The following ZNF564 variants were observed in gnomAD, a reference collection of about 807,000 sequenced individuals.
The protein encoded by ZNF564 is zinc finger protein 564.
Under a neutral mutation model 10.5 loss-of-function variants are expected in ZNF564, and 5 were observed. That is an observed-to-expected ratio of 0.48 (90% confidence interval 0.25 to 1.00). The LOEUF (loss-of-function observed/expected upper bound fraction) is 1.00, where lower values mean the gene tolerates loss of function less well. ZNF564 is among the 50% of genes least tolerant of loss of function. ZNF564 has a pLI of 0.16. For synonymous variants in ZNF564, 242 were observed against 218.1 expected (o/e 1.11, Z -0.97); for missense variants, 603 against 669.7 (o/e 0.90, Z 1.10).
rs199691987 is a variant in ZNF564 at position 12,549,751 on chromosome 19, G to GT, written c.3+1578_3+1579insA. On this transcript the variant is annotated intron_variant, in intron 1 of 3. Coordinates refer to ENST00000339282, the MANE Select transcript of ZNF564 (RefSeq NM_144976.4). ...GGGCATACAGCTGCTCCCGTGAGAG[G>GT]CCCCACCCCTACACCTTAAGCTGTC... 4.2e-3 allele frequency among the ~76,000 whole-genome samples: 639 copies of GT among 152,252 alleles called. 19 individuals are homozygous for GT. The highest frequency in any genetic ancestry group is 3.4e-3 in the Middle Eastern group (1 of 294).
At chr19:12,536,712 A>T (rs187034794) in intron 1 of ZNF564, among the ~76,000 whole-genome samples, 6 of 152,252 alleles carry the variant, frequency 3.9e-5, no homozygotes, top group African/African-American at 1.4e-4. Context: ...TAAGATATGT[A>T]TTGGCCAGGC....
chr19:12,525,773 A>G lies in ZNF564; in HGVS notation c.*673T>C, dbSNP rs994537680. The G allele has an allele frequency of 6.6e-6, 1 of 152,254 alleles. No homozygotes were observed. The highest frequency in any genetic ancestry group is 2.4e-5 in the African/African-American group (1 of 41,466). 9.4% of individuals were successfully genotyped at this position (152,254 alleles called of 1,614,324 possible). ...ATGGTTTGGGAGGCTGGGAAGTCCA[A>G]TATCAAGGCACTGGCATAGTCCATG... On this transcript the variant is annotated 3_prime_UTR_variant, in exon 4 of 4. Transcript: ENST00000339282.
chr19:12,532,339 T>C (rs1357182280), intron 1 of ZNF564, among the ~76,000 whole-genome samples: 1 of 150,900 alleles, frequency 6.6e-6, no homozygotes, highest in Non-Finnish European at 1.5e-5. Flanking sequence ...ATTGAGACCA[T>C]CCTGGCTAAC....
At chr19:12,542,649 G>GAAGA (rs74180078) in intron 1 of ZNF564, among the ~76,000 whole-genome samples, 87,400 of 146,342 alleles carry the variant, frequency 0.6, 27,358 homozygotes, top group African/African-American at 0.7. Context: ...AAAGGGAAAG[G>GAAGA]AAGAAAGAAA....
intron 1 of ZNF564, among the ~76,000 whole-genome samples, chr19:12,533,376 T>G (rs991602927): frequency 6.6e-6 from 1 of 152,136 alleles, no homozygotes; most frequent in Non-Finnish European, 1.5e-5. Flanking sequence ...AGAGGAATAT[T>G]TACAGCATTG....
At chr19:12,546,467 G>A (rs926905774) in intron 1 of ZNF564, among the ~76,000 whole-genome samples, 4 of 152,128 alleles carry the variant, frequency 2.6e-5, no homozygotes, top group Non-Finnish European at 4.4e-5. Context: ...AGTGGCTCAC[G>A]CCTGTAATCC....
chr19:12,532,793 C>T (rs2021835055), intron 1 of ZNF564: 1 of 152,038 alleles, frequency 6.6e-6, no homozygotes, highest in African/African-American at 2.4e-5. Context: ...TGATAAAGGA[C>T]TCAACATGCC....
chr19:12,542,604 T>C (rs1013704464), intron 1 of ZNF564, among the ~76,000 whole-genome samples: 5 of 136,952 alleles, frequency 3.7e-5, no homozygotes, highest in African/African-American at 1.4e-4. Flanking sequence ...CCTGGTGACA[T>C]AGGGGGACCA....
In ZNF564 at chr19:12,527,208, CA is replaced by C. The variant is rs1455303684; in HGVS notation, c.899del (p.Met300ArgfsTer85). On this transcript the variant is annotated frameshift_variant, in exon 4 of 4. Transcript: ENST00000339282. LOFTEE classifies it low-confidence loss of function (END_TRUNC). ...FISFTNFQSHMIRHTGDGPYK... is the reference protein window; with the variant it reads ...FISFTNFQSHXIRHTGDGPYK... ...AAGGTCCATCCCCAGTGTGCCTAATCATATGACTTTGAAAATTTGTGAAAGA... is the reference window on the plus strand; with the variant it reads ...AAGGTCCATCCCCAGTGTGCCTAATCTATGACTTTGAAAATTTGTGAAAGA... The C allele has an allele frequency of 6.2e-7, 1 of 1,614,050 alleles. No individual in the cohort carries two copies. The highest frequency in any genetic ancestry group is 1.3e-5 in the African/African-American group (1 of 74,912).
chr19:12,528,676 A>G lies in ZNF564; in HGVS notation c.24T>C (p.Asp8=), dbSNP rs2021739994. 3 of 1,613,062 alleles carry G rather than the reference A, an allele frequency of 1.9e-6. No individual in the cohort carries two copies. The highest frequency in any genetic ancestry group is 1.6e-4 in the Middle Eastern group (1 of 6,080). MDSVASE[D]VAVNFTLEEW... is the part of the protein sequence containing the mutation. ...CCTCAAGTGTGAAGTTCACAGCCAC[A>G]TCCTCAGAGGCCACTGAGTCCTAAA... Residue 8 remains aspartate (D), a synonymous_variant, in exon 2 of 4, where the codon GAT becomes GAC. Coordinates refer to ENST00000339282, the MANE Select transcript of ZNF564 (RefSeq NM_144976.4).
In ZNF564 at chr19:12,527,026, C is replaced by T; in HGVS notation, c.1082G>A (p.Gly361Glu). The change falls in exon 4 of 4, where the codon GGA becomes GAA. Residue 361 changes from glycine (G) to glutamate (E), a missense_variant. By Grantham distance (98) the Gly-to-Glu change is moderately conservative (BLOSUM62 -2). Coordinates refer to ENST00000339282, the MANE Select transcript of ZNF564 (RefSeq NM_144976.4). ...TTCCTTACATTCATAGGGCTTCTCT[C>T]CAGTGTGAGTCCTTTCATGTGTTCG... ...NVRTHERTHT[G>E]EKPYECKECG... 3 of 1,614,064 alleles carry T rather than the reference C, an allele frequency of 1.9e-6. No homozygotes were observed. Among genetic ancestry groups the T allele is most frequent in the Non-Finnish European group, 2.5e-6 (3 of 1,180,008 alleles).
chr19:12,527,173 T>G lies in ZNF564; in HGVS notation c.935A>C (p.Lys312Thr). 1.2e-6 allele frequency: 2 copies of G among 1,614,158 alleles called. No individual in the cohort carries two copies. Among genetic ancestry groups the G allele is most frequent in the Non-Finnish European group, 1.7e-6 (2 of 1,180,018 alleles). The change falls in exon 4 of 4, where the codon AAA becomes ACA. Residue 312 changes from lysine to threonine, a missense_variant. By Grantham distance (78) the Lys-to-Thr change is moderately conservative. Transcript: ENST00000339282. ...RHTGDGPYKCKVCGRAFIFPS... is the reference protein window; with the variant it reads ...RHTGDGPYKCTVCGRAFIFPS... ...AAAAATAAAGGCTCTCCCACATACTTTACATTTATAAGGTCCATCCCCAGT... is the reference window on the plus strand; with the variant it reads ...AAAAATAAAGGCTCTCCCACATACTGTACATTTATAAGGTCCATCCCCAGT...
At chr19:12,548,087 CA>C (rs60264829) in intron 1 of ZNF564, 14,966 of 885,250 alleles carry the variant, frequency 0.017, 444 homozygotes, top group African/African-American at 0.12. Flanking sequence ...GGATTACAGG[CA>C]TGAGCCACCA....
intron 1 of ZNF564, among the ~76,000 whole-genome samples, chr19:12,539,758 A>G (rs566944531): frequency 6.6e-6 from 1 of 151,886 alleles, no homozygotes; most frequent in South Asian, 2.1e-4. Context: ...GGCGGATCAC[A>G]AGGTCAGGAG....
chr19:12,545,463 C>G (rs2022133862), intron 1 of ZNF564, among the ~76,000 whole-genome samples: 1 of 152,014 alleles, frequency 6.6e-6, no homozygotes, highest in South Asian at 2.1e-4. Flanking sequence ...GTTCTAACAG[C>G]AGGTGTCTAA....
At chr19:12,541,425 C>A in intron 1 of ZNF564, 1 of 152,088 alleles carries the variant, frequency 6.6e-6, no homozygotes. Context: ...TAGAACGCAC[C>A]TGTAATCCCA....
chr19:12,535,788 G>C (rs1443665569), intron 1 of ZNF564, among the ~76,000 whole-genome samples: 2 of 152,136 alleles, frequency 1.3e-5, no homozygotes, highest in African/African-American at 2.4e-5. Flanking sequence ...GGCTCAGACA[G>C]GCAGATCACG....
rs912908844 is a variant in ZNF564, at chr19:12,525,544, T to A, written c.*902A>T. 1 of 152,200 alleles carries A rather than the reference T, an allele frequency of 6.6e-6. No homozygotes were observed. The highest frequency in any genetic ancestry group is 1.5e-5 in the Non-Finnish European group (1 of 68,042). 9.4% of individuals were successfully genotyped at this position (152,200 alleles called of 1,614,324 possible). A position where few individuals can be genotyped will look rare whatever the true frequency, so the allele number is the denominator to read the frequency against. On this transcript the variant is annotated 3_prime_UTR_variant, in exon 4 of 4. Transcript: ENST00000339282. The stretch of plus-strand genomic sequence containing the variant: ...TAATCCTAATGAGATGCTATGTATG[T>A]CTTGAGTTTGATTTGTATTTCCCTA...
rs1225984578 is a variant in ZNF564 at position 12,527,747 on chromosome 19, G to T, written c.361C>A (p.His121Asn). 1 of 1,613,932 alleles carries T rather than the reference G, an allele frequency of 6.2e-7. No individual in the cohort carries two copies. Among genetic ancestry groups the T allele is most frequent in the Non-Finnish European group, 8.5e-7 (1 of 1,180,030 alleles). The change falls in exon 4 of 4, where the codon CAC becomes AAC. Residue 121 changes from histidine (H) to asparagine (N), a missense_variant. By Grantham distance (68) the His-to-Asn change is moderately conservative. Coordinates refer to ENST00000339282, the MANE Select transcript of ZNF564 (RefSeq NM_144976.4). ...VFMHHSSLSR[H>N]IRSHLGHKPY... Reference sequence around the variant, plus strand: ...TTGTGTCCAAGGTGAGATCTGATGTGCCTACTAAGGGATGAATGATGCATG... The same window carrying T: ...TTGTGTCCAAGGTGAGATCTGATGTTCCTACTAAGGGATGAATGATGCATG...
Sources: gnomAD v4.1 joint callset for allele counts (sites outside exome capture counted in the v4.1 genomes callset) on GRCh38, gnomAD v4.1.1 for gene constraint, MANE v1.5 for transcripts, NCBI Gene and HGNC (gene_info 2026-07-23, HGNC 2026-07-21) for gene names.